Variants in MALRD1 observed in about 807,000 individuals in gnomAD.
The protein encoded by MALRD1 is MAM and LDL receptor class A domain containing 1.
Under a neutral mutation model 242.1 loss-of-function variants are expected in MALRD1, and 247 were observed. That is an observed-to-expected ratio of 1.02 (90% CI 0.92 to 1.13). MALRD1 has a LOEUF of 1.13. Among genes scored for constraint, MALRD1 ranks in the 50% most tolerant of loss-of-function variants. The pLI, the probability that MALRD1 is intolerant of heterozygous loss-of-function variation, is 0.00. For synonymous variants in MALRD1, 995 were observed against 866.6 expected (o/e 1.15, Z -2.60); for missense variants, 2,989 against 2,533.1 (o/e 1.18, Z -3.86).
In MALRD1 at chr10:19,567,617, T is replaced by C; in HGVS notation, c.5594T>C (p.Val1865Ala). The C allele has an allele frequency of 6.4e-7, 1 of 1,550,692 alleles. No individual in the cohort carries two copies. Among genetic ancestry groups the C allele is most frequent in the South Asian group, 1.2e-5 (1 of 84,062 alleles). ...VPLSSNSPFK[V>A]AFEADLDGNE... ...CTCTCCAGTAACAGTCCGTTTAAGG[T>C]GGCATTTGAAGCTGATTTGGATGGA... The change falls in exon 33 of 40, where the codon GTG (valine) becomes GCG (alanine). Residue 1865 changes from valine (V) to alanine (A), a missense_variant. Coordinates refer to ENST00000454679, the MANE Select transcript of MALRD1 (RefSeq NM_001142308.3).
In MALRD1 at chr10:19,120,774, C is replaced by T. The variant is rs143712353; in HGVS notation, c.695-2718C>T. 1.1e-4 allele frequency among the ~76,000 whole-genome samples: 16 copies of T among 152,284 alleles called. No homozygotes were observed. The East Asian group carries it at 2.1e-3, about 20-fold the overall frequency. On this transcript the variant is annotated intron_variant, in intron 5 of 39. Transcript: ENST00000454679. Reference sequence around the variant, plus strand: ...TGTTGTTGTTGTTGAAGCAGAGTTTCGCTCTTGTTGCCCAAGCTGGAGTGC... The same window carrying T: ...TGTTGTTGTTGTTGAAGCAGAGTTTTGCTCTTGTTGCCCAAGCTGGAGTGC...
intron 32 of MALRD1, among the ~76,000 whole-genome samples, chr10:19,564,437 C>T (rs377362110): frequency 6.6e-6 from 1 of 151,912 alleles, no homozygotes; most frequent in Admixed American, 6.6e-5. Context: ...TTGTATATAA[C>T]CTTGATGATA....
At chr10:19,592,756 C>CGT (rs1837874797) in intron 33 of MALRD1, among the ~76,000 whole-genome samples, 1 of 115,682 alleles carries the variant, frequency 8.6e-6, no homozygotes, top group Non-Finnish European at 1.8e-5. Flanking sequence ...CACACACACA[C>CGT]ACACACGCAC....
intron 24 of MALRD1, among the ~76,000 whole-genome samples, chr10:19,346,980 T>C (rs1370688597): frequency 6.6e-6 from 1 of 152,132 alleles, no homozygotes; most frequent in Non-Finnish European, 1.5e-5. Flanking sequence ...GAATCATGAA[T>C]ATTGACTTAA....
intron 32 of MALRD1, among the ~76,000 whole-genome samples, chr10:19,536,072 G>T (rs1005754772): frequency 1.3e-5 from 2 of 152,112 alleles, no homozygotes; most frequent in Non-Finnish European, 2.9e-5. Context: ...CTCACTAAAG[G>T]TTATGCATTC....
At chr10:19,428,695 A>G (rs2130938390) in intron 28 of MALRD1, among the ~76,000 whole-genome samples, 2 of 152,304 alleles carry the variant, frequency 1.3e-5, no homozygotes, top group Admixed American at 1.3e-4. Flanking sequence ...AATTTGAAAA[A>G]AAAATCAGGT....
chr10:19,249,389 C>T (rs141627712), intron 18 of MALRD1, among the ~76,000 whole-genome samples: 286 of 150,928 alleles, frequency 1.9e-3, no homozygotes, highest in African/African-American at 6.0e-3. Flanking sequence ...GAAATATTAG[C>T]GTAATCAGTA....
intron 28 of MALRD1, among the ~76,000 whole-genome samples, chr10:19,446,660 A>G (rs1168870076): frequency 1.3e-5 from 2 of 152,242 alleles, no homozygotes; most frequent in Non-Finnish European, 2.9e-5. Context: ...GCAATTTGCA[A>G]GACAAAAGTT....
At chr10:19,229,395 G>A (rs746615033) in intron 18 of MALRD1, among the ~76,000 whole-genome samples, 7 of 151,892 alleles carry the variant, frequency 4.6e-5, no homozygotes, top group Admixed American at 1.3e-4. Context: ...ATTTGATTAC[G>A]TAGGCTTCTG....
chr10:19,597,704 G>T (rs1282164094), intron 34 of MALRD1, among the ~76,000 whole-genome samples: 4 of 152,126 alleles, frequency 2.6e-5, no homozygotes, highest in Admixed American at 6.5e-5. Flanking sequence ...ATACATTAGT[G>T]AAGGAGGCTA....
intron 31 of MALRD1, among the ~76,000 whole-genome samples, chr10:19,522,080 C>T (rs546759209): frequency 2.0e-5 from 3 of 151,884 alleles, no homozygotes; most frequent in Non-Finnish European, 2.9e-5. Flanking sequence ...TTCACACTGA[C>T]GCAAGATTAA....
intron 28 of MALRD1, among the ~76,000 whole-genome samples, chr10:19,402,031 A>T (rs540506087): frequency 6.6e-6 from 1 of 152,320 alleles, no homozygotes; most frequent in East Asian, 1.9e-4. Context: ...AAACTACGTG[A>T]TATCTAAAAT....
intron 28 of MALRD1, among the ~76,000 whole-genome samples, chr10:19,398,100 C>T (rs1846668896): frequency 6.6e-6 from 1 of 151,776 alleles, no homozygotes; most frequent in South Asian, 2.1e-4. Context: ...TATTTTATAC[C>T]ATTCTGTAGA....
At chr10:19,134,493 C>T (rs1475106878) in intron 9 of MALRD1, among the ~76,000 whole-genome samples, 1 of 152,026 alleles carries the variant, frequency 6.6e-6, no homozygotes, top group Non-Finnish European at 1.5e-5. Context: ...CTTTTAATGG[C>T]CAAAACCTCA....
intron 32 of MALRD1, among the ~76,000 whole-genome samples, chr10:19,539,598 C>T (rs150672806): frequency 3.3e-3 from 508 of 151,984 alleles, no homozygotes; most frequent in African/African-American, 0.011. Context: ...GTGTGTGAGC[C>T]GATATGGGGG....
Position 19,709,559 on chromosome 10 carries a change from A to T in MALRD1, c.6314+17005A>T, listed in dbSNP as rs150136639. On this transcript the variant is annotated intron_variant, in intron 38 of 39. Coordinates refer to ENST00000454679, the MANE Select transcript of MALRD1 (RefSeq NM_001142308.3). ...ATGGGAAATAATAAATTATTTTAAG[A>T]TCCTTTCCCAGGTCTGAAATTCTAT... Among the ~76,000 whole-genome samples the T allele has an allele frequency of 9.5e-4, 145 of 152,290 alleles. 3 individuals are homozygous for T. The East Asian group carries it at 0.026, about 27-fold the overall frequency.
At chr10:19,657,250 C>A (rs1187658172) in intron 36 of MALRD1, among the ~76,000 whole-genome samples, 1 of 152,144 alleles carries the variant, frequency 6.6e-6, no homozygotes, top group Non-Finnish European at 1.5e-5. Context: ...ACTAATCTGG[C>A]CTTTACACTA....
chr10:19,202,105 C>T (rs943220240), intron 14 of MALRD1, among the ~76,000 whole-genome samples: 2 of 152,096 alleles, frequency 1.3e-5, no homozygotes, highest in East Asian at 1.9e-4. Context: ...TGAGCCACGG[C>T]GCCCGACTGA....
chr10:19,718,495 C>G (rs1414909179), intron 38 of MALRD1, among the ~76,000 whole-genome samples: 1 of 152,192 alleles, frequency 6.6e-6, no homozygotes, highest in Non-Finnish European at 1.5e-5. Flanking sequence ...AACGCAAGAA[C>G]TCACTCATCA....
Sources: allele counts gnomAD v4.1 joint callset (sites outside exome capture counted in the v4.1 genomes callset), GRCh38; gene constraint gnomAD v4.1.1; transcripts MANE v1.5; gene names NCBI Gene and HGNC (gene_info 2026-07-23, HGNC 2026-07-21).